The following PBXIP1 variants were observed in gnomAD, a reference collection of about 807,000 sequenced individuals.
PBXIP1 encodes the protein PBX homeobox interacting protein 1.
A neutral mutation model predicts 73.7 loss-of-function variants in PBXIP1; 73 were observed. That is an observed-to-expected ratio of 0.99 (90% CI 0.82 to 1.20). The LOEUF (loss-of-function observed/expected upper bound fraction) is 1.20. Among genes scored for constraint, PBXIP1 ranks in the 50% most tolerant of loss-of-function variants. The pLI is 0.00. For synonymous variants in PBXIP1, 330 were observed against 366.9 expected, an observed-to-expected ratio of 0.90 and a Z score of 1.15; for missense variants, 818 against 911.4, an observed-to-expected ratio of 0.90 and a Z score of 1.32.
rs2101988354 is a variant in PBXIP1, at chr1:154,951,962, TGGGGC to T, written c.52-46_52-42del. On this transcript the variant is annotated intron_variant, in intron 2 of 10. Transcript: ENST00000368463. The surrounding 1 kb of genome is among the most constrained non-coding windows in gnomAD (Gnocchi z 4.3). ...CAAGGAGAAGGGCTGCACCCAAGAA[TGGGGC>T]CCCAGCCCACATCCCAGAAACACAC... 1 of 1,576,544 alleles carries T rather than the reference TGGGGC, an allele frequency of 6.3e-7. No individual in the cohort carries two copies. The highest frequency in any genetic ancestry group is 2.2e-5 in the East Asian group (1 of 44,542).
intron 1 of PBXIP1, among the ~76,000 whole-genome samples, chr1:154,955,459 A>T (rs954839122): frequency 6.6e-6 from 1 of 152,142 alleles, no homozygotes; most frequent in African/African-American, 2.4e-5. Flanking sequence ...TACTTATGAG[A>T]CCCAAATAGG....
intron 1 of PBXIP1, among the ~76,000 whole-genome samples, chr1:154,954,653 T>C (rs917876892): frequency 2.6e-5 from 4 of 152,252 alleles, no homozygotes; most frequent in Admixed American, 6.5e-5. Context: ...GCTATGGTCC[T>C]GCACCCGGTT....
Position 154,951,369 on chromosome 1 carries a change from A to T in PBXIP1, c.272T>A (p.Val91Glu). 1 of 1,614,106 alleles carries T rather than the reference A, an allele frequency of 6.2e-7. No homozygotes were observed. Among genetic ancestry groups the T allele is most frequent in the Non-Finnish European group, 8.5e-7 (1 of 1,180,002 alleles). ...TGTGTCTCCTGGGCCAGGAGGCTCC[A>T]CACCACAAACATCACCTTCCAGGGT... The part of the protein sequence containing the change: ...KGTLEGDVCG[V>E]EPPGPGDTVV... Residue 91 changes from valine to glutamate, a missense_variant, in exon 5 of 11, where the codon GTG (valine) becomes GAG (glutamate). Physicochemically the swap from Val to Glu is moderately radical, Grantham distance 121 (BLOSUM62 -2). Transcript: ENST00000368463. The surrounding 1 kb of genome is among the most constrained non-coding windows in gnomAD (Gnocchi z 4.3).
intron 9 of PBXIP1, chr1:154,947,129 G>A (rs1654853060): frequency 1.7e-6 from 1 of 597,932 alleles, no homozygotes. Flanking sequence ...CACCTGGCAT[G>A]TTCTTTAAAT....
At position 154,954,930 on chromosome 1, in the gene PBXIP1, G is replaced by A. The variant is rs377402817; in HGVS notation, c.-37+1139C>T. On this transcript the variant is annotated intron_variant, in intron 1 of 10. Coordinates refer to ENST00000368463, the MANE Select transcript of PBXIP1 (RefSeq NM_020524.4). ...AGAAAACTCAGGAAAAGGGAAGTGA[G>A]GCTGGGAGAGTATGGCAGTTCTACC... 8 of 976,912 alleles carry A rather than the reference G, an allele frequency of 8.2e-6. No homozygotes were observed. In the South Asian group the frequency reaches 3.3e-4, roughly 40 times the overall value. 60.5% of individuals were successfully genotyped at this position (976,912 alleles called of 1,614,324 possible). A position where few individuals can be genotyped will look rare whatever the true frequency, so the allele number is the denominator to read the frequency against.
In PBXIP1 at chr1:154,947,495, G is replaced by T. The variant is rs1654866133; in HGVS notation, c.792C>A (p.Ser264Arg). ...QAPVPPDSVP[S>R]LQNMGLLLDK... The stretch of plus-strand genomic sequence containing the variant: ...CCAGCAGAAGACCCATGTTTTGCAG[G>T]CTGGGGACACTGTCAGGAGGCACTG... Residue 264 changes from serine (S) to arginine (R), a missense_variant, in exon 9 of 11, where the codon AGC becomes AGA. Coordinates refer to ENST00000368463, the MANE Select transcript of PBXIP1 (RefSeq NM_020524.4). The T allele has an allele frequency of 1.2e-6, 2 of 1,612,590 alleles. No homozygotes were observed. Among genetic ancestry groups the T allele is most frequent in the Non-Finnish European group, 1.7e-6 (2 of 1,179,102 alleles).
Position 154,946,640 on chromosome 1 carries a change from C to T in PBXIP1, c.1034G>A (p.Cys345Tyr). The stretch of plus-strand genomic sequence containing the variant: ...GCACACCCCATCTGGGCCCCGGACA[C>T]AGTCGGCCTCCAGCCCCTGGAGCCG... ...RARLQGLEADCVRGPDGVCLS... is the reference protein window; with the variant it reads ...RARLQGLEADYVRGPDGVCLS... The change falls in exon 10 of 11, where the codon TGT (cysteine) becomes TAT (tyrosine). Residue 345 changes from cysteine (C) to tyrosine (Y), a missense_variant. Cys to Tyr is a radical substitution (Grantham distance 194). Transcript: ENST00000368463. The T allele has an allele frequency of 6.2e-7, 1 of 1,612,202 alleles. No homozygotes were observed. Among genetic ancestry groups the T allele is most frequent in the Non-Finnish European group, 8.5e-7 (1 of 1,178,710 alleles).
chr1:154,955,084 C>A, intron 1 of PBXIP1: 1 of 331,126 alleles, frequency 3.0e-6, no homozygotes, highest in Non-Finnish European at 4.3e-6. Flanking sequence ...CAATGCCCAT[C>A]CTCCCAGACA....
In PBXIP1 at chr1:154,945,061, C is replaced by T. The variant is rs768522283; in HGVS notation, c.2159G>A (p.Gly720Glu). Residue 720 changes from glycine to glutamate, a missense_variant, in exon 11 of 11, where the codon GGG becomes GAG. Gly to Glu is a moderately conservative substitution (Grantham distance 98, BLOSUM62 -2). Transcript: ENST00000368463. ...GTGGTGGTGGTGGCTATGGCTGTGC[C>T]CCTCCCTGGGCCCCGCAGCTCTTGG... Reference protein sequence around the residue: ...QSPRAAGPREGHSHSHHHHHR... With the variant: ...QSPRAAGPREEHSHSHHHHHR... 5 of 1,614,102 alleles carry T rather than the reference C, an allele frequency of 3.1e-6. No individual in the cohort carries two copies. In the South Asian group the frequency reaches 4.4e-5, roughly 14 times the overall value.
At chr1:154,950,696 A>T (rs1654979073) in intron 5 of PBXIP1, among the ~76,000 whole-genome samples, 1 of 152,194 alleles carries the variant, frequency 6.6e-6, no homozygotes, top group African/African-American at 2.4e-5. Context: ...TCCCTGCCCT[A>T]CGTACCAAAA....
rs1259278708 is a variant in PBXIP1, at chr1:154,946,360, C to A, written c.1314G>T (p.Gln438His). 2.5e-6 allele frequency: 4 copies of A among 1,613,674 alleles called. No individual in the cohort carries two copies. Among genetic ancestry groups the A allele is most frequent in the Non-Finnish European group, 3.4e-6 (4 of 1,179,936 alleles). The change falls in exon 10 of 11, where the codon CAG (glutamine) becomes CAT (histidine). Residue 438 changes from glutamine to histidine, a missense_variant. Coordinates refer to ENST00000368463, the MANE Select transcript of PBXIP1 (RefSeq NM_020524.4). ...CCCAGTTCTCCAGGCCCTGCAGTTT[C>A]TGGGCCAATCTGTGGCCCAGCTCAG... The part of the protein sequence containing the change: ...GLAELGHRLA[Q>H]KLQGLENWGQ...
At chr1:154,948,539 T>C (rs1372738074) in intron 5 of PBXIP1, 173 bp from the exon 6 acceptor site, 1 of 581,122 alleles carries the variant, frequency 1.7e-6, no homozygotes, top group Admixed American at 3.3e-5. Flanking sequence ...TTGATGACTG[T>C]CCCTGCCCAG....
chr1:154,949,000 C>T (rs897401609), intron 5 of PBXIP1, among the ~76,000 whole-genome samples: 1 of 152,114 alleles, frequency 6.6e-6, no homozygotes, highest in Non-Finnish European at 1.5e-5. Flanking sequence ...GCACTGCTTC[C>T]ACCATCTAGC....
rs1655007087 is a variant in PBXIP1, at chr1:154,951,610, C to T, written c.179-75G>A. 11 of 1,506,594 alleles carry T rather than the reference C, an allele frequency of 7.3e-6. No individual in the cohort carries two copies. Among genetic ancestry groups the T allele is most frequent in the South Asian group, 4.5e-5 (4 of 88,708 alleles). 93.3% of individuals were successfully genotyped at this position (1,506,594 alleles called of 1,614,324 possible). ...CCTTTGCAGCCCTCTGTCCATCCCA[C>T]GGGCCCCTACCAGGTTGGAAGAGGC... On this transcript the variant is annotated intron_variant, in intron 3 of 10. Transcript: ENST00000368463. This position sits in a 1 kb window ranked among gnomAD's most constrained non-coding sequence, Gnocchi z 4.3.
At chr1:154,953,626 AC>A in intron 2 of PBXIP1, 44 bp downstream of exon 2, 5 of 1,327,022 alleles carry the variant, frequency 3.8e-6, no homozygotes, top group Non-Finnish European at 4.3e-6. Context: ...CTGCAGAAAC[AC>A]CCCCCAACCC....
chr1:154,951,716 T>C lies in PBXIP1; in HGVS notation c.178+79A>G, dbSNP rs1655011342. ...GAACTAAAACGAACCAGCCTCCCTTTCTCTGAGGAAACTGAGAAACCCCAA... is the reference window on the plus strand; with the variant it reads ...GAACTAAAACGAACCAGCCTCCCTTCCTCTGAGGAAACTGAGAAACCCCAA... On this transcript the variant is annotated intron_variant, in intron 3 of 10. Transcript: ENST00000368463. This position sits in a 1 kb window ranked among gnomAD's most constrained non-coding sequence, Gnocchi z 4.3. The C allele has an allele frequency of 6.5e-7, 1 of 1,541,194 alleles. No individual in the cohort carries two copies. The highest frequency in any genetic ancestry group is 2.2e-5 in the East Asian group (1 of 44,562).
intron 7 of PBXIP1, 57 bp from the exon 8 acceptor site, chr1:154,947,769 C>G: frequency 6.5e-7 from 1 of 1,546,666 alleles, no homozygotes; most frequent in Non-Finnish European, 8.9e-7. Flanking sequence ...CCATTCTCCC[C>G]ACACCTTCCC....
chr1:154,944,845 C>G lies in PBXIP1; in HGVS notation c.*179G>C. 1.8e-6 allele frequency: 1 copy of G among 568,496 alleles called. No individual in the cohort carries two copies. Among genetic ancestry groups the G allele is most frequent in the East Asian group, 2.9e-5 (1 of 34,958 alleles). The allele number at this position is 568,496 out of a possible 1,614,324, so 35.2% of individuals were successfully genotyped here. A position where few individuals can be genotyped will look rare whatever the true frequency, so the allele number is the denominator to read the frequency against. ...ATTTGCATAGACGGCAACGCAGGTC[C>G]AGCTAAGGCCTTTTTCTACATAAAG... On this transcript the variant is annotated 3_prime_UTR_variant, in exon 11 of 11. Coordinates refer to ENST00000368463, the MANE Select transcript of PBXIP1 (RefSeq NM_020524.4).
At position 154,947,755 on chromosome 1, in the gene PBXIP1, G is replaced by C. The variant is rs780228333; in HGVS notation, c.668-43C>G. On this transcript the variant is annotated intron_variant, in intron 7 of 10. Transcript: ENST00000368463. ...CCTGAAACTGGTCCTGAGGCACACA[G>C]AGCCCATTCTCCCCACACCTTCCCA... 5.7e-6 allele frequency: 9 copies of C among 1,578,680 alleles called. 1 individual carries two copies. Among genetic ancestry groups the C allele is most frequent in the African/African-American group, 2.7e-5 (2 of 74,216 alleles).
Sources: gnomAD v4.1 joint callset for allele counts (sites outside exome capture counted in the v4.1 genomes callset) on GRCh38, gnomAD v4.1.1 for gene constraint, Gnocchi (gnomAD v3.1) non-coding constraint, MANE v1.5 for transcripts, NCBI Gene and HGNC (gene_info 2026-07-23, HGNC 2026-07-21) for gene names.